HES2: variants seen among roughly 807,000 people sequenced by gnomAD.
HES2 encodes the protein transcription factor HES-2.
A neutral mutation model predicts 11.9 loss-of-function variants in HES2; 11 were observed. The observed-to-expected ratio is 0.92, with a 90% CI of 0.58 to 1.53. HES2 has a LOEUF of 1.53. Among genes scored for constraint, HES2 ranks in the 40% most tolerant of loss-of-function variants. The pLI, the probability that HES2 is intolerant of heterozygous loss-of-function variation, is 0.00. For synonymous variants in HES2, 125 were observed against 122.8 expected (o/e 1.02, Z -0.12); for missense variants, 260 against 253.8 (o/e 1.02, Z -0.16).
Position 6,419,668 on chromosome 1 carries a change from G to A in HES2, c.80C>T (p.Ala27Val). The change falls in exon 2 of 4, where the codon GCG becomes GTG. Residue 27 changes from alanine to valine, a missense_variant. Transcript: ENST00000377834. This position sits in a 1 kb window ranked among gnomAD's most constrained non-coding sequence, Gnocchi z 8.1. The stretch of plus-strand genomic sequence containing the variant: ...CTGGCTCAGGCTCTGGTTGATGCGC[G>A]CGCGCCGGCGCTTCTCCAGCAGCGG... ...LKPLLEKRRR[A>V]RINQSLSQLK... is the part of the protein sequence containing the mutation. 2 of 1,555,138 alleles carry A rather than the reference G, an allele frequency of 1.3e-6. No homozygotes were observed. Among genetic ancestry groups the A allele is most frequent in the Admixed American group, 1.9e-5 (1 of 52,588 alleles).
chr1:6,419,037 A>C lies in HES2; in HGVS notation c.358T>G (p.Trp120Gly). The C allele has an allele frequency of 6.8e-7, 1 of 1,461,514 alleles. No individual in the cohort carries two copies. The highest frequency in any genetic ancestry group is 9.0e-7 in the Non-Finnish European group (1 of 1,116,742). The allele number at this position is 1,461,514 out of a possible 1,614,324, so 90.5% of individuals were successfully genotyped here. A position where few individuals can be genotyped will look rare whatever the true frequency, so the allele number is the denominator to read the frequency against. Reference sequence around the variant, plus strand: ...AGGGTGGCGCTGGCCGCTCTCCGCCACAGGTGCTCCAGCAGGCGCGCGCTC... The same window carrying C: ...AGGGTGGCGCTGGCCGCTCTCCGCCCCAGGTGCTCCAGCAGGCGCGCGCTC... Reference protein sequence around the residue: ...AVSARLLEHLWRRAASATLDG... With the variant: ...AVSARLLEHLGRRAASATLDG... The change falls in exon 4 of 4, where the codon TGG becomes GGG. Residue 120 changes from tryptophan (W) to glycine (G), a missense_variant. Physicochemically the swap from Trp to Gly is radical, Grantham distance 184. Transcript: ENST00000377834. The surrounding 1 kb of genome is among the most constrained non-coding windows in gnomAD (Gnocchi z 8.1).
At position 6,419,000 on chromosome 1, in the gene HES2, C is replaced by A; in HGVS notation, c.395G>T (p.Arg132Leu). 1 of 1,369,790 alleles carries A rather than the reference C, an allele frequency of 7.3e-7. No individual in the cohort carries two copies. The allele number at this position is 1,369,790 out of a possible 1,614,324, so 84.9% of individuals were successfully genotyped here. ...RAASATLDGG[R>L]AGDSSGPSAP... The stretch of plus-strand genomic sequence containing the variant: ...AGACGGGCCACTGGAATCCCCAGCG[C>A]GCCCGCCGTCCAGGGTGGCGCTGGC... Residue 132 changes from arginine (R) to leucine (L), a missense_variant, in exon 4 of 4, where the codon CGC becomes CTC. By Grantham distance (102) the Arg-to-Leu change is moderately radical. Coordinates refer to ENST00000377834, the MANE Select transcript of HES2 (RefSeq NM_019089.5).
rs960241064 is a variant in HES2, at chr1:6,419,590, C to T, written c.141+17G>A. ...CCGCGCCCCAGGACCCTCTGCCCTC[C>T]GCCCGGGCGCGCTCACCTCCCGGCC... On this transcript the variant is annotated intron_variant, in intron 2 of 3. Coordinates refer to ENST00000377834, the MANE Select transcript of HES2 (RefSeq NM_019089.5). This position sits in a 1 kb window ranked among gnomAD's most constrained non-coding sequence, Gnocchi z 8.1. 1.8e-5 allele frequency: 28 copies of T among 1,525,382 alleles called. No homozygotes were observed. In the East Asian group the frequency reaches 7.1e-4, roughly 39 times the overall value. The allele number at this position is 1,525,382 out of a possible 1,614,324, so 94.5% of individuals were successfully genotyped here.
Position 6,419,396 on chromosome 1 carries a change from G to A in HES2, c.142-56C>T, listed in dbSNP as rs890806904. ...GAACCACCAAGACAGAACTTTGGCC[G>A]GCTACCGTGCGCACCCTCGCTCTAG... On this transcript the variant is annotated intron_variant, in intron 2 of 3. Coordinates refer to ENST00000377834, the MANE Select transcript of HES2 (RefSeq NM_019089.5). The surrounding 1 kb of genome is among the most constrained non-coding windows in gnomAD (Gnocchi z 8.1). 6 of 1,471,428 alleles carry A rather than the reference G, an allele frequency of 4.1e-6. No individual in the cohort carries two copies. Among genetic ancestry groups the A allele is most frequent in the Non-Finnish European group, 4.6e-6 (5 of 1,076,910 alleles). The allele number at this position is 1,471,428 out of a possible 1,614,324, so 91.1% of individuals were successfully genotyped here. A position where few individuals can be genotyped will look rare whatever the true frequency, so the allele number is the denominator to read the frequency against.
Position 6,419,806 on chromosome 1 carries a change from G to A in HES2, c.15C>T (p.Arg5=). Residue 5 remains arginine (R), a synonymous_variant, in exon 1 of 4, where the codon CGC becomes CGT. Transcript: ENST00000377834. This position sits in a 1 kb window ranked among gnomAD's most constrained non-coding sequence, Gnocchi z 8.1. Reference sequence around the variant, plus strand: ...GCAGCTCCGCCGCGTCCCCTGCCCGGCGAGGCAGCCCCATGCTCCGCGGGG... The same window carrying A: ...GCAGCTCCGCCGCGTCCCCTGCCCGACGAGGCAGCCCCATGCTCCGCGGGG... MGLP[R]RAGDAAELRK... is the part of the protein sequence containing the mutation. 1 of 1,563,904 alleles carries A rather than the reference G, an allele frequency of 6.4e-7. No homozygotes were observed. The highest frequency in any genetic ancestry group is 1.8e-5 in the Admixed American group (1 of 55,190).
Position 6,418,589 on chromosome 1 carries a change from A to C in HES2, c.*284T>G, listed in dbSNP as rs1571372289. The stretch of plus-strand genomic sequence containing the variant: ...GGGGTCCAGTTCCAGAACTATCTCC[A>C]CCAGCTGGGATGGGGGGCTTCTTCT... On this transcript the variant is annotated 3_prime_UTR_variant, in exon 4 of 4. Transcript: ENST00000377834. 2.9e-6 allele frequency: 1 copy of C among 350,212 alleles called. No individual in the cohort carries two copies. 21.7% of individuals were successfully genotyped at this position (350,212 alleles called of 1,614,324 possible). A position where few individuals can be genotyped will look rare whatever the true frequency, so the allele number is the denominator to read the frequency against.
At position 6,419,678 on chromosome 1, in the gene HES2, G is replaced by A. The variant is rs1006574225; in HGVS notation, c.70C>T (p.Arg24Cys). Residue 24 changes from arginine to cysteine, a missense_variant, in exon 2 of 4, where the codon CGC becomes TGC. Transcript: ENST00000377834. The surrounding 1 kb of genome is among the most constrained non-coding windows in gnomAD (Gnocchi z 8.1). ...RKSLKPLLEK[R>C]RRARINQSLS... ...CTCTGGTTGATGCGCGCGCGCCGGCGCTTCTCCAGCAGCGGCTTCAGGCTC... is the reference window on the plus strand; with the variant it reads ...CTCTGGTTGATGCGCGCGCGCCGGCACTTCTCCAGCAGCGGCTTCAGGCTC... 3 of 1,556,014 alleles carry A rather than the reference G, an allele frequency of 1.9e-6. No homozygotes were observed. Among genetic ancestry groups the A allele is most frequent in the African/African-American group, 2.7e-5 (2 of 72,978 alleles).
Position 6,418,923 on chromosome 1 carries a change from G to C in HES2, c.472C>G (p.Pro158Ala), listed in dbSNP as rs1249219013. 2.3e-5 allele frequency: 30 copies of C among 1,317,774 alleles called. No homozygotes were observed. The highest frequency in any genetic ancestry group is 8.3e-5 in the Admixed American group (2 of 24,024). 81.6% of individuals were successfully genotyped at this position (1,317,774 alleles called of 1,614,324 possible). ...SAPEPASAPV[P>A]SPPSPPCGPG... ...CCGCAGGGAGGCGAGGGCGGCGAGGGCACCGGAGCGGATGCGGGCTCTGGG... is the reference window on the plus strand; with the variant it reads ...CCGCAGGGAGGCGAGGGCGGCGAGGCCACCGGAGCGGATGCGGGCTCTGGG... Residue 158 changes from proline to alanine, a missense_variant, in exon 4 of 4, where the codon CCC becomes GCC. Transcript: ENST00000377834.
At position 6,419,838 on chromosome 1, in the gene HES2, T is replaced by C. The variant is rs773137994; in HGVS notation, c.-18A>G. ...AGCCCCATGCTCCGCGGGGAAGCGG[T>C]GGCAGCTGCGAGCCCCACGCAAAGG... On this transcript the variant is annotated 5_prime_UTR_variant, in exon 1 of 4. Coordinates refer to ENST00000377834, the MANE Select transcript of HES2 (RefSeq NM_019089.5). This position sits in a 1 kb window ranked among gnomAD's most constrained non-coding sequence, Gnocchi z 8.1. The C allele has an allele frequency of 1.4e-5, 21 of 1,538,248 alleles. No individual in the cohort carries two copies. The South Asian group carries it at 2.0e-4, about 14-fold the overall frequency.
In HES2 at chr1:6,415,702, A is replaced by G. The variant is rs1642839074; in HGVS notation, c.*3171T>C. Reference sequence around the variant, plus strand: ...AGCCTGAGTTTCCTGGGAAATCTACATTTCAGCACAGATGGGTTCCCAGCA... The same window carrying G: ...AGCCTGAGTTTCCTGGGAAATCTACGTTTCAGCACAGATGGGTTCCCAGCA... On this transcript the variant is annotated 3_prime_UTR_variant, in exon 4 of 4. Transcript: ENST00000377834. 6.6e-6 allele frequency: 1 copy of G among 152,184 alleles called. No homozygotes were observed. Among genetic ancestry groups the G allele is most frequent in the Admixed American group, 6.5e-5 (1 of 15,278 alleles). The allele number at this position is 152,184 out of a possible 1,614,324, so 9.4% of individuals were successfully genotyped here.
Position 6,419,487 on chromosome 1 carries a change from C to T in HES2, c.141+120G>A, listed in dbSNP as rs1325418644. On this transcript the variant is annotated intron_variant, in intron 2 of 3. Coordinates refer to ENST00000377834, the MANE Select transcript of HES2 (RefSeq NM_019089.5). The surrounding 1 kb of genome is among the most constrained non-coding windows in gnomAD (Gnocchi z 8.1). ...TCCGCTCCGACGCGCCCACCCCACCCAGGCTCCGCCTCGGGCGCCGCGCGG... is the reference window on the plus strand; with the variant it reads ...TCCGCTCCGACGCGCCCACCCCACCTAGGCTCCGCCTCGGGCGCCGCGCGG... The T allele has an allele frequency of 1.0e-5, 12 of 1,177,166 alleles. No individual in the cohort carries two copies. Among genetic ancestry groups the T allele is most frequent in the Non-Finnish European group, 1.4e-5 (12 of 860,894 alleles). 72.9% of individuals were successfully genotyped at this position (1,177,166 alleles called of 1,614,324 possible).
In HES2 at chr1:6,419,519, C is replaced by T; in HGVS notation, c.141+88G>A. The T allele has an allele frequency of 5.4e-6, 7 of 1,303,816 alleles. No individual in the cohort carries two copies. Among genetic ancestry groups the T allele is most frequent in the Non-Finnish European group, 7.2e-6 (7 of 969,236 alleles). 80.8% of individuals were successfully genotyped at this position (1,303,816 alleles called of 1,614,324 possible). ...CGCCTCGGGCGCCGCGCGGAACCCC[C>T]TGGTGGGTTCCTCCCGCAGGAGCAC... On this transcript the variant is annotated intron_variant, in intron 2 of 3. Transcript: ENST00000377834. This position sits in a 1 kb window ranked among gnomAD's most constrained non-coding sequence, Gnocchi z 8.1.
rs956206149 is a variant in HES2 at position 6,419,707 on chromosome 1, G to A, written c.46-5C>T. Reference sequence around the variant, plus strand: ...CTCCAGCAGCGGCTTCAGGCTCTGCGGACGGGCGGCGCGGTGGTTAGACGG... The same window carrying A: ...CTCCAGCAGCGGCTTCAGGCTCTGCAGACGGGCGGCGCGGTGGTTAGACGG... On this transcript the variant is annotated splice_polypyrimidine_tract_variant and splice_region_variant and intron_variant, in intron 1 of 3. Coordinates refer to ENST00000377834, the MANE Select transcript of HES2 (RefSeq NM_019089.5). This position sits in a 1 kb window ranked among gnomAD's most constrained non-coding sequence, Gnocchi z 8.1. The A allele has an allele frequency of 2.0e-5, 31 of 1,553,264 alleles. No individual in the cohort carries two copies. Among genetic ancestry groups the A allele is most frequent in the Non-Finnish European group, 2.3e-5 (27 of 1,152,128 alleles).
rs1448325017 is a variant in HES2 at position 6,418,405 on chromosome 1, C to T, written c.*468G>A. On this transcript the variant is annotated 3_prime_UTR_variant, in exon 4 of 4. Transcript: ENST00000377834. ...CCTTAGGCTACTGCTGCTGCATGCC[C>T]AGAGGGTCCCAAGCAGAGCTGGGCA... 1.3e-5 allele frequency: 2 copies of T among 158,514 alleles called. No individual in the cohort carries two copies. Among genetic ancestry groups the T allele is most frequent in the Non-Finnish European group, 2.8e-5 (2 of 72,686 alleles). The allele number at this position is 158,514 out of a possible 1,614,324, so 9.8% of individuals were successfully genotyped here. A position where few individuals can be genotyped will look rare whatever the true frequency, so the allele number is the denominator to read the frequency against.
At position 6,419,848 on chromosome 1, in the gene HES2, G is replaced by T. The variant is rs571311975; in HGVS notation, c.-28C>A. On this transcript the variant is annotated 5_prime_UTR_variant, in exon 1 of 4. Coordinates refer to ENST00000377834, the MANE Select transcript of HES2 (RefSeq NM_019089.5). The surrounding 1 kb of genome is among the most constrained non-coding windows in gnomAD (Gnocchi z 8.1). ...TCCGCGGGGAAGCGGTGGCAGCTGC[G>T]AGCCCCACGCAAAGGGAAACCGAGG... 3.9e-6 allele frequency: 6 copies of T among 1,535,922 alleles called. No homozygotes were observed. The South Asian group carries it at 7.4e-5, about 19-fold the overall frequency.
At position 6,418,496 on chromosome 1, in the gene HES2, A is replaced by C; in HGVS notation, c.*377T>G. The C allele has an allele frequency of 5.0e-6, 1 of 198,222 alleles. No individual in the cohort carries two copies. Among genetic ancestry groups the C allele is most frequent in the Non-Finnish European group, 1.0e-5 (1 of 99,140 alleles). The allele number at this position is 198,222 out of a possible 1,614,324, so 12.3% of individuals were successfully genotyped here. A position where few individuals can be genotyped will look rare whatever the true frequency, so the allele number is the denominator to read the frequency against. On this transcript the variant is annotated 3_prime_UTR_variant, in exon 4 of 4. Transcript: ENST00000377834. ...CAGGGTGCACGGCTGCACTTTGCCC[A>C]GGTCCTGGCTCTGGCTCTGGTCTGG...
Position 6,419,303 on chromosome 1 carries a change from A to T in HES2, c.179T>A (p.Leu60Gln), listed in dbSNP as rs372112581. The T allele has an allele frequency of 1.9e-6, 3 of 1,610,866 alleles. No homozygotes were observed. In the African/African-American group the frequency reaches 4.0e-5, roughly 22 times the overall value. The change falls in exon 3 of 4, where the codon CTG (leucine) becomes CAG (glutamine). Residue 60 changes from leucine to glutamine, a missense_variant. Physicochemically the swap from Leu to Gln is moderately radical, Grantham distance 113 (BLOSUM62 -2). Transcript: ENST00000377834. This position sits in a 1 kb window ranked among gnomAD's most constrained non-coding sequence, Gnocchi z 8.1. ...CTGCAGGAAGCGCACGGTCATTTCCAGGACGTCTGCCTTCTCTAGCTTCGA... is the reference window on the plus strand; with the variant it reads ...CTGCAGGAAGCGCACGGTCATTTCCTGGACGTCTGCCTTCTCTAGCTTCGA... ...NCSKLEKADV[L>Q]EMTVRFLQEL...
rs757661625 is a variant in HES2, at chr1:6,419,766, C to G, written c.45+10G>C. Reference sequence around the variant, plus strand: ...AGTCCCCAGCCCCGCCCCCAGTCCCCGGTACCCACCTTGCGCAGCTCCGCC... The same window carrying G: ...AGTCCCCAGCCCCGCCCCCAGTCCCGGGTACCCACCTTGCGCAGCTCCGCC... On this transcript the variant is annotated intron_variant, in intron 1 of 3. Transcript: ENST00000377834. The surrounding 1 kb of genome is among the most constrained non-coding windows in gnomAD (Gnocchi z 8.1). 1.9e-6 allele frequency: 3 copies of G among 1,564,012 alleles called. No homozygotes were observed. Among genetic ancestry groups the G allele is most frequent in the Admixed American group, 3.7e-5 (2 of 54,716 alleles).
rs1344510432 is a variant in HES2, at chr1:6,416,558, C to T, written c.*2315G>A. ...CCCGAGTGCCTGACCCTGTGAGTCA[C>T]TGGCCCATCTACAATCCTTCTCCCC... On this transcript the variant is annotated 3_prime_UTR_variant, in exon 4 of 4. Coordinates refer to ENST00000377834, the MANE Select transcript of HES2 (RefSeq NM_019089.5). The T allele has an allele frequency of 6.6e-6, 1 of 152,250 alleles. No homozygotes were observed. The highest frequency in any genetic ancestry group is 1.5e-5 in the Non-Finnish European group (1 of 68,066). The allele number at this position is 152,250 out of a possible 1,614,324, so 9.4% of individuals were successfully genotyped here. A position where few individuals can be genotyped will look rare whatever the true frequency, so the allele number is the denominator to read the frequency against.
Sources: allele counts gnomAD v4.1 joint callset, GRCh38; gene constraint gnomAD v4.1.1; non-coding constraint Gnocchi (gnomAD v3.1); transcripts MANE v1.5; gene names NCBI Gene and HGNC (gene_info 2026-07-23, HGNC 2026-07-21).